The following TLN2 variants were observed in gnomAD, a reference collection of about 807,000 sequenced individuals.
TLN2 encodes the protein talin 2.
A neutral mutation model predicts 294.7 loss-of-function variants in TLN2; 118 were observed. That is an observed-to-expected ratio of 0.40 (90% CI 0.34 to 0.47). The LOEUF is 0.47. Ranked by LOEUF, TLN2 falls within the 20% of genes least tolerant of loss-of-function variation. The pLI is 0.84. For synonymous variants in TLN2, 1,431 were observed against 1,304.5 expected, an observed-to-expected ratio of 1.10 and a Z score of -2.09; for missense variants, 3,083 against 3,282.2, an observed-to-expected ratio of 0.94 and a Z score of 1.48.
intron 1 of TLN2, among the ~76,000 whole-genome samples, chr15:62,468,152 T>C (rs2037249378): frequency 6.6e-6 from 1 of 151,900 alleles, no homozygotes; most frequent in African/African-American, 2.4e-5. Flanking sequence ...ATTTATTAAA[T>C]AAATTTCCAA....
chr15:62,411,811 G>A (rs1485886652), intron 1 of TLN2, among the ~76,000 whole-genome samples: 2 of 152,146 alleles, frequency 1.3e-5, no homozygotes, highest in Non-Finnish European at 2.9e-5. Flanking sequence ...GGCCCTAGAA[G>A]CAGGGGCTAG....
chr15:62,606,105 G>T (rs541359947), intron 2 of TLN2, among the ~76,000 whole-genome samples: 14 of 151,928 alleles, frequency 9.2e-5, no homozygotes, highest in Admixed American at 9.2e-4. Flanking sequence ...TTTTTGAGAC[G>T]GAGTCTCACT....
chr15:62,618,214 T>A (rs780436672), intron 2 of TLN2, 137 bp from the exon 3 acceptor site: 1 of 152,274 alleles, frequency 6.6e-6, no homozygotes, highest in African/African-American at 2.4e-5. Context: ...GAATTTAGTT[T>A]GAACATTTTC....
chr15:62,586,747 C>A lies in TLN2; in HGVS notation c.-237-2940C>A, dbSNP rs552159629. On this transcript the variant is annotated intron_variant, in intron 1 of 58. Coordinates refer to ENST00000636159, the MANE Select transcript of TLN2 (RefSeq NM_015059.3). ...AAATGGCCCATCTGTACAATTATGT[C>A]TCCTTTGTTTTTATTCTTCTTCAGA... 5.6e-4 allele frequency among the ~76,000 whole-genome samples: 85 copies of A among 152,314 alleles called. No homozygotes were observed. In the South Asian group the frequency reaches 0.015, roughly 27 times the overall value.
intron 21 of TLN2, among the ~76,000 whole-genome samples, chr15:62,709,063 G>C (rs1170378720): frequency 6.6e-6 from 1 of 152,198 alleles, no homozygotes; most frequent in Non-Finnish European, 1.5e-5. Flanking sequence ...CCTTTGTTCT[G>C]CGAATGCACG....
chr15:62,832,893 G>C (rs2069024059), intron 54 of TLN2: 1 of 151,662 alleles, frequency 6.6e-6, no homozygotes, highest in East Asian at 1.9e-4. Context: ...GAGAGTAAGT[G>C]CTATGATCTA....
chr15:62,812,011 C>CAAATA (rs149518523), intron 52 of TLN2, among the ~76,000 whole-genome samples: 1 of 130,676 alleles, frequency 7.7e-6, no homozygotes, highest in Admixed American at 7.7e-5. Context: ...GACTCCATCT[C>CAAATA]AATAAATAAA....
intron 1 of TLN2, among the ~76,000 whole-genome samples, chr15:62,459,064 A>G (rs1018807420): frequency 1.3e-5 from 2 of 151,618 alleles, no homozygotes; most frequent in Non-Finnish European, 2.9e-5. Context: ...ATAGTGGCGC[A>G]ATCTTGGCTC....
chr15:62,594,015 G>A (rs373940395), intron 2 of TLN2, among the ~76,000 whole-genome samples: 20 of 152,270 alleles, frequency 1.3e-4, no homozygotes, highest in African/African-American at 4.3e-4. Flanking sequence ...AAAAGACCCT[G>A]AATAGCCAAA....
intron 1 of TLN2, among the ~76,000 whole-genome samples, chr15:62,426,550 A>AG (rs1474380507): frequency 6.6e-6 from 1 of 152,228 alleles, no homozygotes; most frequent in Admixed American, 6.5e-5. Context: ...AGCCTGGTCC[A>AG]GCTGGCGAAT....
rs772393234 is a variant in TLN2, at chr15:62,736,902, A to G, written c.3383A>G (p.Gln1128Arg). 4 of 1,614,144 alleles carry G rather than the reference A, an allele frequency of 2.5e-6. No homozygotes were observed. The highest frequency in any genetic ancestry group is 3.4e-6 in the Non-Finnish European group (4 of 1,180,022). Reference protein sequence around the residue: ...YTGVAARETAQALKTLAQAAR... With the variant: ...YTGVAARETARALKTLAQAAR... Reference sequence around the variant, plus strand: ...GGGGTGGCTGCTAGAGAGACGGCCCAAGCTCTGAAAACACTGGCCCAGGCC... The same window carrying G: ...GGGGTGGCTGCTAGAGAGACGGCCCGAGCTCTGAAAACACTGGCCCAGGCC... Residue 1128 changes from glutamine (Q) to arginine (R), a missense_variant, in exon 29 of 59, where the codon CAA (glutamine) becomes CGA (arginine). Coordinates refer to ENST00000636159, the MANE Select transcript of TLN2 (RefSeq NM_015059.3).
intron 11 of TLN2, among the ~76,000 whole-genome samples, chr15:62,685,334 T>C (rs866709117): frequency 4.6e-5 from 7 of 152,208 alleles, no homozygotes; most frequent in African/African-American, 1.4e-4. Flanking sequence ...TCCTGTGTTA[T>C]TGAAAACTTG....
intron 1 of TLN2, among the ~76,000 whole-genome samples, chr15:62,478,212 A>G (rs995598041): frequency 1.3e-5 from 2 of 152,190 alleles, no homozygotes; most frequent in Non-Finnish European, 2.9e-5. Flanking sequence ...GAGAGTGTGC[A>G]GTCAGGATCC....
intron 1 of TLN2, among the ~76,000 whole-genome samples, chr15:62,472,511 G>A (rs921728984): frequency 2.6e-5 from 4 of 152,236 alleles, no homozygotes; most frequent in African/African-American, 4.8e-5. Context: ...CCTGCACTGA[G>A]TATGGGGTGT....
At chr15:62,536,692 T>C (rs1345928871) in intron 1 of TLN2, among the ~76,000 whole-genome samples, 6 of 152,186 alleles carry the variant, frequency 3.9e-5, no homozygotes, top group African/African-American at 1.2e-4. Context: ...TGCCCTCTCC[T>C]TGGGCCTTGT....
Position 62,753,809 on chromosome 15 carries a change from C to T in TLN2, c.4369C>T (p.Gln1457Ter), listed in dbSNP as rs1372458455. The T allele has an allele frequency of 6.2e-7, 1 of 1,611,634 alleles. No individual in the cohort carries two copies. Among genetic ancestry groups the T allele is most frequent in the Non-Finnish European group, 8.5e-7 (1 of 1,178,942 alleles). Residue 1457 changes from glutamine (Q) to a stop codon, truncating the protein, a stop_gained, in exon 36 of 59, where the codon CAG (glutamine) becomes TAG (stop). Coordinates refer to ENST00000636159, the MANE Select transcript of TLN2 (RefSeq NM_015059.3). LOFTEE classifies it high-confidence loss of function. ...GGTTGGCATCTCTGATCCAAACAGC[C>T]AGGCAGGCCACCAGGGCCTGGTGGA... ...YLVGISDPNS[Q>*]AGHQGLVDPI...
At position 62,650,147 on chromosome 15, in the gene TLN2, G is replaced by A; in HGVS notation, c.200G>A (p.Gly67Asp). The change falls in exon 5 of 59, where the codon GGC (glycine) becomes GAC (aspartate). Residue 67 changes from glycine (G) to aspartate (D), a missense_variant. Physicochemically the swap from Gly to Asp is moderately conservative, Grantham distance 94 (BLOSUM62 -1). Coordinates refer to ENST00000636159, the MANE Select transcript of TLN2 (RefSeq NM_015059.3). ...AGGAAAGGGATTTGGCTGGAAGCGG[G>A]CAGAACACTGGATTACTACATGTTG... ...DPRKGIWLEA[G>D]RTLDYYMLRN... The A allele has an allele frequency of 1.9e-6, 3 of 1,614,184 alleles. No homozygotes were observed. Among genetic ancestry groups the A allele is most frequent in the East Asian group, 2.2e-5 (1 of 44,878 alleles).
chr15:62,726,614 T>C (rs1442873999), intron 27 of TLN2, among the ~76,000 whole-genome samples: 2 of 152,200 alleles, frequency 1.3e-5, no homozygotes, highest in Non-Finnish European at 2.9e-5. Flanking sequence ...AATTGAACAA[T>C]GTTAATGGTC....
chr15:62,836,011 C>G lies in TLN2; in HGVS notation c.7312C>G (p.Gln2438Glu). 3 of 1,613,338 alleles carry G rather than the reference C, an allele frequency of 1.9e-6. No homozygotes were observed. Among genetic ancestry groups the G allele is most frequent in the Non-Finnish European group, 1.7e-6 (2 of 1,179,680 alleles). ...CAAGCAGGTCGCCGCTTCCACGGCT[C>G]AGCTGCTGGTGGCCTGCAAGGTGAA... Reference protein sequence around the residue: ...SAKQVAASTAQLLVACKVKAD... With the variant: ...SAKQVAASTAELLVACKVKAD... The change falls in exon 57 of 59, where the codon CAG becomes GAG. Residue 2438 changes from glutamine (Q) to glutamate (E), a missense_variant. Transcript: ENST00000636159.
Sources: gnomAD v4.1 joint callset for allele counts (sites outside exome capture counted in the v4.1 genomes callset) on GRCh38, gnomAD v4.1.1 for gene constraint, MANE v1.5 for transcripts, NCBI Gene and HGNC (gene_info 2026-07-23, HGNC 2026-07-21) for gene names.